PID1: variants seen among roughly 807,000 people sequenced by gnomAD.
PID1 encodes the protein PTB-containing, cubilin and LRP1-interacting protein.
PID1 carries 10 observed loss-of-function variants against 19.1 expected under a neutral mutation model. That is an observed-to-expected ratio of 0.52 (90% confidence interval 0.32 to 0.89). The LOEUF (loss-of-function observed/expected upper bound fraction) is 0.89, where lower values mean the gene tolerates loss of function less well. PID1 is among the 40% of genes least tolerant of loss of function. The probability of loss-of-function intolerance (pLI) is 0.03; values close to 1 mark genes in which losing one functional copy is unlikely to be tolerated. For synonymous variants in PID1, 130 were observed against 116.0 expected, an observed-to-expected ratio of 1.12 and a Z score of -0.78; for missense variants, 248 against 285.3, an observed-to-expected ratio of 0.87 and a Z score of 0.94.
chr2:229,078,224 T>TTGTGA (rs1412794049), intron 2 of PID1, among the ~76,000 whole-genome samples: 1 of 152,230 alleles, frequency 6.6e-6, no homozygotes, highest in Non-Finnish European at 1.5e-5. Flanking sequence ...ATAGGAATGT[T>TTGTGA]TGTGATTTTT....
At chr2:229,063,742 T>C (rs1694261531) in intron 2 of PID1, among the ~76,000 whole-genome samples, 1 of 152,118 alleles carries the variant, frequency 6.6e-6, no homozygotes, top group Non-Finnish European at 1.5e-5. Context: ...CCTACTATTA[T>C]TGTATTGCAT....
chr2:229,243,786 C>G (rs1411943182), intron 1 of PID1, among the ~76,000 whole-genome samples: 1 of 152,054 alleles, frequency 6.6e-6, no homozygotes, highest in Non-Finnish European at 1.5e-5. Context: ...TATCTGTATT[C>G]CTCCAATACC....
At chr2:229,188,328 A>C (rs1691179112) in intron 1 of PID1, among the ~76,000 whole-genome samples, 1 of 152,154 alleles carries the variant, frequency 6.6e-6, no homozygotes, top group Non-Finnish European at 1.5e-5. Flanking sequence ...TCCCCTGAAA[A>C]AAAAATTAAA....
At chr2:229,159,099 G>C (rs543729242) in intron 1 of PID1, among the ~76,000 whole-genome samples, 15 of 152,244 alleles carry the variant, frequency 9.9e-5, no homozygotes, top group Non-Finnish European at 1.5e-5. Context: ...TAATTGGATG[G>C]TCTGTAACAA....
intron 2 of PID1, among the ~76,000 whole-genome samples, chr2:229,136,796 C>T (rs1340587129): frequency 2.0e-5 from 3 of 152,238 alleles, no homozygotes; most frequent in Admixed American, 1.3e-4. Flanking sequence ...AAATTCTCTG[C>T]CCTCCTTTAA....
intron 1 of PID1, among the ~76,000 whole-genome samples, chr2:229,200,602 T>C (rs2106240090): frequency 6.6e-6 from 1 of 152,150 alleles, no homozygotes; most frequent in Non-Finnish European, 1.5e-5. Flanking sequence ...TCCCAACCAC[T>C]GAGCTCCCAC....
At chr2:229,041,384 C>T (rs1693767592) in intron 2 of PID1, among the ~76,000 whole-genome samples, 1 of 152,022 alleles carries the variant, frequency 6.6e-6, no homozygotes, top group South Asian at 2.1e-4. Context: ...ATGATTACAA[C>T]CCACAGAATG....
intron 2 of PID1, among the ~76,000 whole-genome samples, chr2:229,069,648 C>T (rs944477029): frequency 1.3e-5 from 2 of 152,028 alleles, no homozygotes; most frequent in African/African-American, 4.8e-5. Context: ...GTTAGAGCAG[C>T]GGGGGAGAGG....
chr2:229,119,665 G>A (rs780453408), intron 2 of PID1, among the ~76,000 whole-genome samples: 5 of 152,194 alleles, frequency 3.3e-5, no homozygotes, highest in Non-Finnish European at 7.3e-5. Context: ...GAAGAAGCAG[G>A]ATATGATGGT....
At chr2:229,109,287 C>A (rs59950552) in intron 2 of PID1, among the ~76,000 whole-genome samples, 1 of 152,000 alleles carries the variant, frequency 6.6e-6, no homozygotes, top group Non-Finnish European at 1.5e-5. Flanking sequence ...TCAAGCTCTT[C>A]GGGCTGCAGA....
intron 2 of PID1, among the ~76,000 whole-genome samples, chr2:229,152,210 T>C (rs912114014): frequency 3.3e-5 from 5 of 152,198 alleles, no homozygotes; most frequent in African/African-American, 7.2e-5. Context: ...TTCATGTCAA[T>C]TACATGGTAC....
chr2:229,254,152 C>T (rs377282627), intron 1 of PID1, among the ~76,000 whole-genome samples: 181 of 152,112 alleles, frequency 1.2e-3, no homozygotes, highest in African/African-American at 4.2e-3. Flanking sequence ...ACATTCATTA[C>T]GAACAACAAC....
At chr2:229,236,995 C>A (rs982975702) in intron 1 of PID1, among the ~76,000 whole-genome samples, 3 of 150,214 alleles carry the variant, frequency 2.0e-5, no homozygotes, top group Admixed American at 6.6e-5. Flanking sequence ...CATACACACA[C>A]ACACACACAC....
chr2:229,083,249 T>C (rs1694702484), intron 2 of PID1, among the ~76,000 whole-genome samples: 1 of 152,186 alleles, frequency 6.6e-6, no homozygotes, highest in Admixed American at 6.5e-5. Flanking sequence ...CATTCATTCA[T>C]TCAATCCAGT....
chr2:229,190,285 A>AT (rs1447027306), intron 1 of PID1, among the ~76,000 whole-genome samples: 14 of 152,238 alleles, frequency 9.2e-5, no homozygotes, highest in Admixed American at 9.2e-4. Context: ...TGGAGATGGC[A>AT]TAAGGTATCA....
At chr2:229,112,510 G>C (rs1695318055) in intron 2 of PID1, among the ~76,000 whole-genome samples, 1 of 152,122 alleles carries the variant, frequency 6.6e-6, no homozygotes, top group Non-Finnish European at 1.5e-5. Context: ...TTTTGAGACA[G>C]AGTCTTGCTC....
chr2:229,251,832 T>C (rs1690158521), intron 1 of PID1, among the ~76,000 whole-genome samples: 2 of 151,940 alleles, frequency 1.3e-5, no homozygotes, highest in South Asian at 4.2e-4. Context: ...AATATGTCCA[T>C]TTCTTCCAGT....
intron 2 of PID1, among the ~76,000 whole-genome samples, chr2:229,062,969 A>T (rs1027679623): frequency 6.6e-6 from 1 of 151,898 alleles, no homozygotes; most frequent in Non-Finnish European, 1.5e-5. Flanking sequence ...TTGTTGCAAC[A>T]TCTCCTCTTT....
chr2:229,075,241 T>C (rs1694534348), intron 2 of PID1, among the ~76,000 whole-genome samples: 1 of 152,264 alleles, frequency 6.6e-6, no homozygotes, highest in Non-Finnish European at 1.5e-5. Context: ...TATGCATTTC[T>C]ACTGAATGCT....
Sources: gnomAD v4.1 joint callset for allele counts (sites outside exome capture counted in the v4.1 genomes callset) on GRCh38, gnomAD v4.1.1 for gene constraint, MANE v1.5 for transcripts, NCBI Gene and HGNC (gene_info 2026-07-23, HGNC 2026-07-21) for gene names.